BTF3: variants seen among roughly 807,000 people sequenced by gnomAD.
BTF3 encodes basic transcription factor 3.
BTF3 carries 12 observed loss-of-function variants against 23.9 expected under a neutral mutation model. That is an observed-to-expected ratio of 0.50 (90% CI 0.32 to 0.81). The LOEUF is 0.81. Ranked by LOEUF, BTF3 falls within the 40% of genes least tolerant of loss-of-function variation. The pLI is 0.03. For synonymous variants in BTF3, 96 were observed against 94.8 expected, an observed-to-expected ratio of 1.01 and a Z score of -0.07; for missense variants, 215 against 255.9, an observed-to-expected ratio of 0.84 and a Z score of 1.09.
chr5:73,498,872 G>A, intron 1 of BTF3, 73 bp downstream of exon 1: 1 of 1,486,702 alleles, frequency 6.7e-7, no homozygotes, highest in Non-Finnish European at 8.8e-7. Context: ...CAGGGCCAGG[G>A]GTGGGGGGTG....
At chr5:73,501,366 G>T (rs996623449) in intron 2 of BTF3, among the ~76,000 whole-genome samples, 1 of 152,166 alleles carries the variant, frequency 6.6e-6, no homozygotes. Context: ...ATAAACAGAA[G>T]TCCTTATGGA....
At chr5:73,499,611 A>T (rs962004041) in intron 2 of BTF3, 1 of 311,924 alleles carries the variant, frequency 3.2e-6, no homozygotes, top group African/African-American at 2.2e-5. Flanking sequence ...TCTGAACTAA[A>T]TATTCTTTAG....
intron 2 of BTF3, 101 bp from the exon 3 acceptor site, chr5:73,502,387 C>A: frequency 2.3e-6 from 2 of 856,878 alleles, no homozygotes; most frequent in Non-Finnish European, 3.5e-6. Flanking sequence ...TGTTCTTATA[C>A]AGATCCAAAG....
chr5:73,503,138 T>A, intron 4 of BTF3, 21 bp downstream of exon 4: 8 of 1,606,892 alleles, frequency 5.0e-6, no homozygotes, highest in Non-Finnish European at 6.8e-6. Context: ...TAGTAATGGT[T>A]TTACCAGGGA....
chr5:73,502,188 G>T (rs1446912302), intron 2 of BTF3, among the ~76,000 whole-genome samples: 2 of 150,658 alleles, frequency 1.3e-5, no homozygotes, highest in Non-Finnish European at 2.9e-5. Context: ...AACAGAAGAG[G>T]TTAATAATTC....
intron 1 of BTF3, 110 bp downstream of exon 1, chr5:73,498,909 C>G: frequency 7.0e-7 from 1 of 1,430,936 alleles, no homozygotes; most frequent in Non-Finnish European, 9.2e-7. Context: ...TAGAGCCTTT[C>G]ATCCGGGCCT....
intron 3 of BTF3, 30 bp downstream of exon 3, chr5:73,502,631 A>G (rs1270848122): frequency 6.5e-7 from 1 of 1,530,814 alleles, no homozygotes; most frequent in East Asian, 2.3e-5. Context: ...ACTTTAAAAA[A>G]CAAGATTTGG....
At chr5:73,503,541 G>A (rs1177589133) in intron 4 of BTF3, among the ~76,000 whole-genome samples, 1 of 152,190 alleles carries the variant, frequency 6.6e-6, no homozygotes, top group Non-Finnish European at 1.5e-5. Flanking sequence ...TTTAATTACA[G>A]TGTGATAGGG....
At chr5:73,499,267 T>A (rs774995808) in intron 2 of BTF3, 65 bp downstream of exon 2, 2 of 1,521,822 alleles carry the variant, frequency 1.3e-6, no homozygotes. Context: ...AAAAAACATA[T>A]TCCTTTTGCG....
chr5:73,504,990 C>A (rs1580359673), intron 5 of BTF3, among the ~76,000 whole-genome samples: 3 of 134,658 alleles, frequency 2.2e-5, no homozygotes, highest in Admixed American at 1.4e-4. Flanking sequence ...TTCTGCTCCC[C>A]CACTATTGAC....
At chr5:73,504,236 A>G (rs1746502542) in intron 4 of BTF3, 111 bp from the exon 5 acceptor site, 2 of 704,356 alleles carry the variant, frequency 2.8e-6, no homozygotes, top group African/African-American at 3.9e-5. Context: ...CATGGAAATA[A>G]GTTGTAACAA....
At chr5:73,504,932 T>C in intron 5 of BTF3, 1 of 378,264 alleles carries the variant, frequency 2.6e-6, no homozygotes, top group South Asian at 3.9e-5. Flanking sequence ...ACAGGTATCC[T>C]TAGGAATCCA....
chr5:73,499,403 G>T (rs1746380216), intron 2 of BTF3: 2 of 678,972 alleles, frequency 2.9e-6, no homozygotes, highest in Non-Finnish European at 5.3e-6. Flanking sequence ...CATCGCCTTT[G>T]TGTAAACATG....
intron 3 of BTF3, 56 bp downstream of exon 3, chr5:73,502,657 G>T (rs545717444): frequency 1.1e-5 from 14 of 1,285,514 alleles, no homozygotes. Context: ...AAAAGTTAAC[G>T]TTAATGCATT....
intron 2 of BTF3, among the ~76,000 whole-genome samples, chr5:73,500,792 G>C (rs1479794337): frequency 6.6e-6 from 1 of 152,148 alleles, no homozygotes; most frequent in Non-Finnish European, 1.5e-5. Flanking sequence ...CCTCTAGAAA[G>C]TATGCTGGGT....
chr5:73,499,546 C>T (rs1035060243), intron 2 of BTF3: 2 of 377,662 alleles, frequency 5.3e-6, no homozygotes, highest in African/African-American at 2.1e-5. Context: ...CCTGAGTTTT[C>T]TAAAGTCAGT....
chr5:73,502,423 C>A, intron 2 of BTF3, 65 bp from the exon 3 acceptor site: 2 of 1,139,528 alleles, frequency 1.8e-6, no homozygotes, highest in Non-Finnish European at 2.5e-6. Flanking sequence ...GAAACTATTC[C>A]CATTTGAAAA....
intron 4 of BTF3, among the ~76,000 whole-genome samples, 185 bp downstream of exon 4, chr5:73,503,302 A>G (rs536610775): frequency 6.6e-6 from 1 of 152,366 alleles, no homozygotes; most frequent in South Asian, 2.1e-4. Context: ...GTAGCGTGCC[A>G]TGATTGTTAC....
In BTF3 at chr5:73,498,689, G is replaced by T; in HGVS notation, c.22G>T (p.Ala8Ser). 2.0e-6 allele frequency: 3 copies of T among 1,501,602 alleles called. No homozygotes were observed. The highest frequency in any genetic ancestry group is 2.5e-5 in the South Asian group (2 of 80,292). The allele number at this position is 1,501,602 out of a possible 1,614,324, so 93.0% of individuals were successfully genotyped here. ...GGCGATGCGACGGACAGGCGCACCCGCTCAGGCTGACTCTCGGGGGCGAGG... is the reference window on the plus strand; with the variant it reads ...GGCGATGCGACGGACAGGCGCACCCTCTCAGGCTGACTCTCGGGGGCGAGG... MRRTGAP[A>S]QADSRGRGRA... Residue 8 changes from alanine (A) to serine (S), a missense_variant, in exon 1 of 6, where the codon GCT (alanine) becomes TCT (serine). This residue lies in a region of BTF3 where 116 missense variants were observed against 84.7 expected (regional missense o/e 1.37). Transcript: ENST00000380591.
Sources: gnomAD v4.1 joint callset for allele counts (sites outside exome capture counted in the v4.1 genomes callset) on GRCh38, gnomAD v4.1.1 for gene constraint, gnomAD v4.1.1 regional missense constraint, MANE v1.5 for transcripts, NCBI Gene and HGNC (gene_info 2026-07-23, HGNC 2026-07-21) for gene names.